HELZ: variants seen among roughly 807,000 people sequenced by gnomAD.
HELZ encodes helicase with zinc finger.
HELZ carries 23 observed loss-of-function variants against 218.2 expected under a neutral mutation model. The ratio of observed to expected loss-of-function variants is 0.11; its 90% CI spans 0.08 to 0.15. HELZ has a LOEUF of 0.15. Among genes scored for constraint, HELZ ranks in the 10% least tolerant of loss-of-function variants. The pLI, the probability that HELZ is intolerant of heterozygous loss-of-function variation, is 1.00. For synonymous variants in HELZ, 814 were observed against 829.4 expected, an observed-to-expected ratio of 0.98 and a Z score of 0.32; for missense variants, 1,813 against 2,353.7, an observed-to-expected ratio of 0.77 and a Z score of 4.75.
At chr17:67,184,759 T>A (rs1429247177) in intron 12 of HELZ, among the ~76,000 whole-genome samples, 1 of 151,986 alleles carries the variant, frequency 6.6e-6, no homozygotes, top group Non-Finnish European at 1.5e-5. Context: ...AAGGCTGCAG[T>A]GAGCTATAAT....
chr17:67,089,692 GAGAGAGAGACAGAGAGAC>G (rs1249704828), intron 31 of HELZ, among the ~76,000 whole-genome samples: 479 of 135,686 alleles, frequency 3.5e-3, no homozygotes, highest in Non-Finnish European at 5.9e-3. Flanking sequence ...GAGAGAGAGA[GAGAGAGAGACAGAGAGAC>G]AGAGAGAGAG....
chr17:67,079,284 C>T lies in HELZ; in HGVS notation c.5495-698G>A, dbSNP rs1395798648. Among the ~76,000 whole-genome samples, 4 of 152,174 alleles carry T rather than the reference C, an allele frequency of 2.6e-5. No individual in the cohort carries two copies. In the East Asian group the frequency reaches 5.8e-4, roughly 22 times the overall value. ...AAACATAATACAAATTCACTGAGGA[C>T]AATTGGAAAATTTCAGAAAAGTCCA... On this transcript the variant is annotated intron_variant, in intron 32 of 32. Transcript: ENST00000358691.
intron 13 of HELZ, among the ~76,000 whole-genome samples, chr17:67,168,941 A>T (rs909080641): frequency 8.5e-5 from 13 of 152,194 alleles, no homozygotes; most frequent in African/African-American, 3.1e-4. Context: ...AAAATACAAA[A>T]ATTAGCCAGG....
chr17:67,174,189 AATC>A (rs1217987518), intron 13 of HELZ, among the ~76,000 whole-genome samples: 2 of 150,598 alleles, frequency 1.3e-5, no homozygotes, highest in Non-Finnish European at 2.9e-5. Flanking sequence ...CTTTGAAAAA[AATC>A]ATCCTTTAAA....
rs932248808 is a variant in HELZ at position 67,072,899 on chromosome 17, T to A, written c.*5353A>T. ...AAGTGTGGTTCCTGGACTGGCAGCA[T>A]CAGCATCGCCTGGAAACTTGTTGGA... is the stretch of plus-strand genomic sequence containing the variant. On this transcript the variant is annotated 3_prime_UTR_variant, in exon 33 of 33. Coordinates refer to ENST00000358691, the MANE Select transcript of HELZ (RefSeq NM_014877.4). The A allele has an allele frequency of 6.6e-6, 1 of 152,302 alleles. No homozygotes were observed. The highest frequency in any genetic ancestry group is 1.5e-5 in the Non-Finnish European group (1 of 68,034). The allele number at this position is 152,302 out of a possible 1,614,324, so 9.4% of individuals were successfully genotyped here. A position where few individuals can be genotyped will look rare whatever the true frequency, so the allele number is the denominator to read the frequency against.
chr17:67,136,838 T>A (rs905137371), intron 22 of HELZ, among the ~76,000 whole-genome samples: 1 of 152,100 alleles, frequency 6.6e-6, no homozygotes, highest in African/African-American at 2.4e-5. Flanking sequence ...TTTGGAAAGA[T>A]CAAAAAAGTT....
intron 5 of HELZ, among the ~76,000 whole-genome samples, chr17:67,211,818 G>A (rs1476546963): frequency 6.6e-6 from 1 of 151,834 alleles, no homozygotes; most frequent in Non-Finnish European, 1.5e-5. Context: ...CCAAGATTAC[G>A]CCACTGCACT....
chr17:67,215,813 T>C (rs759576769), intron 5 of HELZ, 86 bp downstream of exon 5: 81 of 888,464 alleles, frequency 9.1e-5, no homozygotes, highest in Non-Finnish European at 1.3e-4. Context: ...TCAAACATTA[T>C]CATCATTTTT....
chr17:67,139,941 A>AG (rs1209850786), intron 21 of HELZ, among the ~76,000 whole-genome samples: 4 of 152,168 alleles, frequency 2.6e-5, no homozygotes, highest in Non-Finnish European at 5.9e-5. Context: ...CCTGCTACAT[A>AG]GGGAGTGGGA....
rs973052460 is a variant in HELZ at position 67,108,500 on chromosome 17, T to C, written c.4716A>G (p.Thr1572=). The stretch of plus-strand genomic sequence containing the variant: ...TCAGTCCGCTGGAATACCTTGAGTA[T>C]GTGGTCTCCACTTCATCTTCGGCAC... The part of the protein sequence containing the change: ...TSSAEDEVET[T]YSRFQDLIRE... Residue 1572 remains threonine, a synonymous_variant, in exon 30 of 33, where the codon ACA becomes ACG. Coordinates refer to ENST00000358691, the MANE Select transcript of HELZ (RefSeq NM_014877.4). The surrounding 1 kb of genome is among the most constrained non-coding windows in gnomAD (Gnocchi z 4.1). 13 of 1,613,334 alleles carry C rather than the reference T, an allele frequency of 8.1e-6. No individual in the cohort carries two copies. Among genetic ancestry groups the C allele is most frequent in the Non-Finnish European group, 1.1e-5 (13 of 1,179,392 alleles).
chr17:67,241,895 TG>T (rs983294214), intron 2 of HELZ, among the ~76,000 whole-genome samples: 2 of 152,258 alleles, frequency 1.3e-5, no homozygotes, highest in African/African-American at 4.8e-5. Flanking sequence ...TGTAACAAGT[TG>T]TTCAGTGGCC....
At chr17:67,116,046 T>C (rs1349477620) in intron 27 of HELZ, among the ~76,000 whole-genome samples, 1 of 151,496 alleles carries the variant, frequency 6.6e-6, no homozygotes, top group African/African-American at 2.4e-5. Context: ...AGAGAAAAAA[T>C]AGCATACTTT....
chr17:67,144,498 A>C (rs1269749691), intron 21 of HELZ, among the ~76,000 whole-genome samples: 1 of 152,116 alleles, frequency 6.6e-6, no homozygotes. Flanking sequence ...AAAAAAAAAA[A>C]AACCTTTGAG....
chr17:67,078,835 C>A (rs779698854), intron 32 of HELZ, among the ~76,000 whole-genome samples: 1 of 152,206 alleles, frequency 6.6e-6, no homozygotes, highest in Non-Finnish European at 1.5e-5. Flanking sequence ...AAGTTCAAAT[C>A]TGAAGGCTTG....
chr17:67,194,740 T>C (rs1157527509), intron 8 of HELZ, among the ~76,000 whole-genome samples: 1 of 152,130 alleles, frequency 6.6e-6, no homozygotes, highest in Non-Finnish European at 1.5e-5. Context: ...TTCAAGGAAC[T>C]TATAGCCATT....
chr17:67,155,083 A>C (rs1222455509), intron 17 of HELZ, among the ~76,000 whole-genome samples: 1 of 152,240 alleles, frequency 6.6e-6, no homozygotes, highest in East Asian at 1.9e-4. Flanking sequence ...AGAGCTAAAA[A>C]ACATTACCTC....
chr17:67,094,990 G>A (rs762878734), intron 31 of HELZ, among the ~76,000 whole-genome samples: 6 of 152,094 alleles, frequency 3.9e-5, no homozygotes, highest in South Asian at 2.1e-4. Context: ...AAAGTTTGCC[G>A]CATCAGTTGA....
At chr17:67,120,844 C>A (rs981905915) in intron 26 of HELZ, among the ~76,000 whole-genome samples, 6 of 152,110 alleles carry the variant, frequency 3.9e-5, no homozygotes, top group Non-Finnish European at 5.9e-5. Flanking sequence ...GAAAATAGAT[C>A]ATTTTTCAGA....
chr17:67,224,784 A>G, intron 3 of HELZ: 1 of 1,181,472 alleles, frequency 8.5e-7, no homozygotes, highest in Non-Finnish European at 1.2e-6. Context: ...GCAAGCACCA[A>G]CCCCACAAAA....
Sources: gnomAD v4.1 joint callset for allele counts (sites outside exome capture counted in the v4.1 genomes callset) on GRCh38, gnomAD v4.1.1 for gene constraint, Gnocchi (gnomAD v3.1) non-coding constraint, MANE v1.5 for transcripts, NCBI Gene and HGNC (gene_info 2026-07-23, HGNC 2026-07-21) for gene names.